The following AP3B1 variants were observed in gnomAD, a reference collection of about 807,000 sequenced individuals.
The protein encoded by AP3B1 is AP-3 complex subunit beta-1.
Under a neutral mutation model 132.5 loss-of-function variants are expected in AP3B1, and 61 were observed. The ratio of observed to expected loss-of-function variants is 0.46; its 90% confidence interval spans 0.37 to 0.57. The LOEUF is 0.57. Among genes scored for constraint, AP3B1 ranks in the 20% least tolerant of loss-of-function variants. The pLI is 0.00. For missense variants in AP3B1, 1,120 were observed against 1,289.4 expected (o/e 0.87, Z 2.01); for synonymous variants, 388 against 438.3 (o/e 0.89, Z 1.43).
chr5:78,046,672 T>C (rs540736040), intron 22 of AP3B1, among the ~76,000 whole-genome samples: 1 of 152,134 alleles, frequency 6.6e-6, no homozygotes, highest in South Asian at 2.1e-4. Context: ...CTGAATAGAT[T>C]TGCTAACAGT....
chr5:78,102,009 T>A (rs972562478), intron 20 of AP3B1, among the ~76,000 whole-genome samples: 7 of 152,138 alleles, frequency 4.6e-5, no homozygotes, highest in African/African-American at 1.7e-4. Flanking sequence ...TATAGAATTT[T>A]AAATATATAT....
At chr5:78,261,902 C>T (rs1748110879) in intron 2 of AP3B1, among the ~76,000 whole-genome samples, 1 of 152,100 alleles carries the variant, frequency 6.6e-6, no homozygotes, top group African/African-American at 2.4e-5. Context: ...CAGGCACCCA[C>T]CACCACACCT....
intron 7 of AP3B1, among the ~76,000 whole-genome samples, chr5:78,188,508 T>C (rs1174970084): frequency 6.6e-6 from 1 of 152,046 alleles, no homozygotes; most frequent in Non-Finnish European, 1.5e-5. Flanking sequence ...ATTAGAGAAA[T>C]GCAAATCAAA....
intron 22 of AP3B1, among the ~76,000 whole-genome samples, chr5:78,039,857 A>G (rs888483860): frequency 4.0e-5 from 6 of 150,414 alleles, no homozygotes; most frequent in Admixed American, 6.6e-5. Flanking sequence ...TATTACAAAC[A>G]TACTCATTTT....
At chr5:78,155,742 ATTTT>A (rs146368188) in intron 14 of AP3B1, among the ~76,000 whole-genome samples, 1 of 151,102 alleles carries the variant, frequency 6.6e-6, no homozygotes, top group Non-Finnish European at 1.5e-5. Flanking sequence ...TCAGTTATGG[ATTTT>A]TTTTTAAGGG....
At chr5:78,020,967 G>GA (rs1473469120) in intron 24 of AP3B1, among the ~76,000 whole-genome samples, 178 bp from the exon 25 acceptor site, 15 of 151,836 alleles carry the variant, frequency 9.9e-5, no homozygotes, top group African/African-American at 3.4e-4. Context: ...ATTACTTGCA[G>GA]AAAAATACAT....
At chr5:78,165,746 T>C (rs1367172858) in intron 11 of AP3B1, 74 bp from the exon 12 acceptor site, 5 of 1,025,406 alleles carry the variant, frequency 4.9e-6, no homozygotes, top group Non-Finnish European at 6.0e-6. Flanking sequence ...GTACAGACAT[T>C]TAATTGAAAG....
intron 11 of AP3B1, among the ~76,000 whole-genome samples, chr5:78,166,199 G>A (rs1743624266): frequency 6.6e-6 from 1 of 150,460 alleles, no homozygotes; most frequent in Non-Finnish European, 1.5e-5. Context: ...AATGTGGTAA[G>A]GCATTATACC....
chr5:78,057,369 T>C (rs561069439), intron 22 of AP3B1, among the ~76,000 whole-genome samples: 3 of 152,274 alleles, frequency 2.0e-5, no homozygotes, highest in African/African-American at 7.2e-5. Flanking sequence ...AGGGGAAAAA[T>C]GAAGTCGCCC....
At chr5:78,178,120 G>A (rs1395150478) in intron 8 of AP3B1, among the ~76,000 whole-genome samples, 2 of 152,066 alleles carry the variant, frequency 1.3e-5, no homozygotes, top group Non-Finnish European at 2.9e-5. Flanking sequence ...TCTGAGACTG[G>A]GGCTTTTTAA....
chr5:78,192,961 C>T (rs1193095203), intron 7 of AP3B1, among the ~76,000 whole-genome samples: 3 of 152,240 alleles, frequency 2.0e-5, no homozygotes, highest in South Asian at 2.1e-4. Flanking sequence ...ATTTTTGTTA[C>T]AGTAGCCCAA....
At position 78,024,754 on chromosome 5, in the gene AP3B1, G is replaced by A. The variant is rs557624276; in HGVS notation, c.2895-3965C>T. Among the ~76,000 whole-genome samples, 4 of 151,864 alleles carry A rather than the reference G, an allele frequency of 2.6e-5. No individual in the cohort carries two copies. In the South Asian group the frequency reaches 6.3e-4, roughly 24 times the overall value. ...AATTTTTGTATTTTAGTAGAGACGAGGTTTCACCATGTTGGCCAGGCTAGT... is the reference window on the plus strand; with the variant it reads ...AATTTTTGTATTTTAGTAGAGACGAAGTTTCACCATGTTGGCCAGGCTAGT... On this transcript the variant is annotated intron_variant, in intron 24 of 26. Transcript: ENST00000255194.
chr5:78,194,232 C>G (rs1176423831), intron 7 of AP3B1, among the ~76,000 whole-genome samples: 1 of 152,022 alleles, frequency 6.6e-6, no homozygotes, highest in Non-Finnish European at 1.5e-5. Context: ...TTATGCATAT[C>G]ATTTCAACCA....
chr5:78,178,887 T>TA (rs531635393), intron 8 of AP3B1, among the ~76,000 whole-genome samples: 10 of 148,982 alleles, frequency 6.7e-5, no homozygotes, highest in Admixed American at 1.3e-4. Context: ...TGTTTGAGGT[T>TA]AAAAAAAAAA....
intron 7 of AP3B1, among the ~76,000 whole-genome samples, chr5:78,186,353 T>C (rs1744605775): frequency 6.6e-6 from 1 of 152,220 alleles, no homozygotes; most frequent in African/African-American, 2.4e-5. Context: ...TACCATATAA[T>C]TCCATTTATA....
At chr5:78,133,446 G>T (rs929249591) in intron 15 of AP3B1, among the ~76,000 whole-genome samples, 5 of 152,126 alleles carry the variant, frequency 3.3e-5, no homozygotes, top group Non-Finnish European at 5.9e-5. Context: ...ACCTCAAAGC[G>T]GAGGTCTACA....
intron 7 of AP3B1, among the ~76,000 whole-genome samples, chr5:78,205,596 G>A (rs931359855): frequency 1.3e-5 from 2 of 152,126 alleles, no homozygotes; most frequent in South Asian, 2.1e-4. Flanking sequence ...GAGGAAGGCA[G>A]TAGCTAACCA....
chr5:78,116,766 G>T (rs1751854433), intron 17 of AP3B1, among the ~76,000 whole-genome samples: 1 of 151,810 alleles, frequency 6.6e-6, no homozygotes, highest in South Asian at 2.1e-4. Flanking sequence ...AGCTACCCTG[G>T]TCTGACCCAC....
chr5:78,118,185 T>TA (rs1412301368), intron 17 of AP3B1, among the ~76,000 whole-genome samples: 1 of 152,130 alleles, frequency 6.6e-6, no homozygotes, highest in Non-Finnish European at 1.5e-5. Flanking sequence ...TTGTTTTATT[T>TA]AAAAAATCTC....
Sources: gnomAD v4.1 joint callset for allele counts (sites outside exome capture counted in the v4.1 genomes callset) on GRCh38, gnomAD v4.1.1 for gene constraint, MANE v1.5 for transcripts, NCBI Gene and HGNC (gene_info 2026-07-23, HGNC 2026-07-21) for gene names.